LIMCH1: variants seen among roughly 807,000 people sequenced by gnomAD.
The protein encoded by LIMCH1 is LIM and calponin homology domains-containing protein 1.
In LIMCH1, 113 loss-of-function variants were observed where a neutral mutation model predicts 176.5. The observed-to-expected ratio is 0.64, with a 90% CI of 0.55 to 0.75. The LOEUF (loss-of-function observed/expected upper bound fraction) is 0.75. Ranked by LOEUF, LIMCH1 falls within the 30% of genes least tolerant of loss-of-function variation. LIMCH1 has a pLI of 0.00. For synonymous variants in LIMCH1, 619 were observed against 645.9 expected (o/e 0.96, Z 0.63); for missense variants, 1,674 against 1,814.9 (o/e 0.92, Z 1.41).
chr4:41,520,399 T>C (rs1321004404), intron 2 of LIMCH1, among the ~76,000 whole-genome samples: 4 of 152,282 alleles, frequency 2.6e-5, no homozygotes, highest in African/African-American at 7.2e-5. Flanking sequence ...CTTTGTATCA[T>C]TCAACTTTTT....
At chr4:41,437,835 A>C (rs4515195) in intron 1 of LIMCH1, among the ~76,000 whole-genome samples, 1 of 151,916 alleles carries the variant, frequency 6.6e-6, no homozygotes. Context: ...AGCAGTTCCC[A>C]AAAACTGTTC....
chr4:41,443,377 G>A (rs1245888397), intron 1 of LIMCH1, among the ~76,000 whole-genome samples: 1 of 151,932 alleles, frequency 6.6e-6, no homozygotes, highest in Non-Finnish European at 1.5e-5. Context: ...TTCCTGAATC[G>A]TTGTTGAATT....
At chr4:41,360,191 T>C (rs2051805366), upstream of LIMCH1, among the ~76,000 whole-genome samples, 1 of 145,780 alleles carries the variant, frequency 6.9e-6, no homozygotes, top group African/African-American at 2.5e-5. The surrounding 1 kb of genome is among the most constrained non-coding windows in gnomAD (Gnocchi z 4.5). Flanking sequence ...TCAGGGTCGT[T>C]TTTCTTTTTC....
At chr4:41,620,944 G>A (rs1360221587) in intron 7 of LIMCH1, among the ~76,000 whole-genome samples, 3 of 152,230 alleles carry the variant, frequency 2.0e-5, no homozygotes, top group Non-Finnish European at 2.9e-5. Context: ...TCTTTGTCAT[G>A]TATTTGTGAT....
At chr4:41,428,716 G>A (rs971304650) in intron 1 of LIMCH1, among the ~76,000 whole-genome samples, 3 of 152,224 alleles carry the variant, frequency 2.0e-5, no homozygotes, top group African/African-American at 7.2e-5. Context: ...GTGGAGTGCT[G>A]TGAGCAGAAG....
intron 1 of LIMCH1, among the ~76,000 whole-genome samples, chr4:41,382,725 A>T (rs148494522): frequency 6.6e-6 from 1 of 152,306 alleles, no homozygotes; most frequent in Non-Finnish European, 1.5e-5. Context: ...ATCAATACTC[A>T]GCTCAACACT....
At chr4:41,380,305 T>C (rs546239943) in intron 1 of LIMCH1, among the ~76,000 whole-genome samples, 1 of 152,272 alleles carries the variant, frequency 6.6e-6, no homozygotes, top group South Asian at 2.1e-4. Context: ...TGATATCTTC[T>C]TTTCTTTTCT....
At chr4:41,363,659 C>G (rs769010700) in intron 1 of LIMCH1, among the ~76,000 whole-genome samples, 1 of 152,072 alleles carries the variant, frequency 6.6e-6, no homozygotes, top group Non-Finnish European at 1.5e-5. Flanking sequence ...ATTTGAGGAC[C>G]GTGTTACTGG....
intron 1 of LIMCH1, among the ~76,000 whole-genome samples, chr4:41,476,667 A>G (rs138559776): frequency 1.3e-5 from 2 of 152,332 alleles, no homozygotes; most frequent in Non-Finnish European, 2.9e-5. Flanking sequence ...TTTTGTTCCA[A>G]AAATGCCTGA....
chr4:41,438,200 C>T (rs963152684), intron 1 of LIMCH1, among the ~76,000 whole-genome samples: 3 of 152,072 alleles, frequency 2.0e-5, no homozygotes, highest in Non-Finnish European at 4.4e-5. Flanking sequence ...GAGGAAGCTG[C>T]TCATTGAACA....
chr4:41,603,905 TGTAA>T lies in LIMCH1; in HGVS notation c.-103+3_-103+6del. ...TTGATTATAGTAGGAAGCTGAAAAATGTAAGTGTTTTAACTTCCAAACTTGTATC... is the reference window on the plus strand; with the variant it reads ...TTGATTATAGTAGGAAGCTGAAAAATGTGTTTTAACTTCCAAACTTGTATC... On this transcript the variant is annotated splice_donor_variant and splice_donor_region_variant and intron_variant, in intron 3 of 31. Coordinates refer to ENST00000503057, the MANE Select transcript of LIMCH1 (RefSeq NM_001330672.2). LOFTEE classifies it low-confidence loss of function (5UTR_SPLICE). The T allele has an allele frequency of 6.2e-7, 1 of 1,607,726 alleles. No homozygotes were observed. The highest frequency in any genetic ancestry group is 8.5e-7 in the Non-Finnish European group (1 of 1,174,942).
Position 41,646,605 on chromosome 4 carries a change from C to T in LIMCH1, c.2532C>T (p.Arg844=). ...CCATCAGTGAGGCTGTTCTCGAACG[C>T]TTGGAGATGCCAAAAATTCTGGAAA... The part of the protein sequence containing the change: ...RFTISEAVLE[R]LEMPKILERS... The change falls in exon 17 of 32, where the codon CGC becomes CGT. Residue 844 remains arginine (R), a synonymous_variant. Transcript: ENST00000503057. 7 of 1,614,178 alleles carry T rather than the reference C, an allele frequency of 4.3e-6. No homozygotes were observed. The highest frequency in any genetic ancestry group is 5.1e-6 in the Non-Finnish European group (6 of 1,180,034).
At chr4:41,689,196 A>C (rs1039258773) in intron 29 of LIMCH1, among the ~76,000 whole-genome samples, 1 of 152,168 alleles carries the variant, frequency 6.6e-6, no homozygotes, top group Non-Finnish European at 1.5e-5. Flanking sequence ...AGGACTTATA[A>C]AAAAAAGTAT....
chr4:41,380,422 C>T (rs56263548), intron 1 of LIMCH1, among the ~76,000 whole-genome samples: 11,033 of 152,032 alleles, frequency 0.073, 548 homozygotes, highest in Non-Finnish European at 0.11. Flanking sequence ...GCTGGGATTA[C>T]AAGCATGAGC....
At chr4:41,623,773 TATACAAAAGG>T (rs1331772481) in intron 7 of LIMCH1, among the ~76,000 whole-genome samples, 1 of 152,116 alleles carries the variant, frequency 6.6e-6, no homozygotes, top group Non-Finnish European at 1.5e-5. Context: ...TTTAAGGCAG[TATACAAAAGG>T]GAGCAAAGGT....
At chr4:41,612,470 A>G (rs2091547155) in intron 4 of LIMCH1, 1 of 695,952 alleles carries the variant, frequency 1.4e-6, no homozygotes, top group African/African-American at 1.8e-5. Context: ...TCCTAATTTT[A>G]AGCGACAGTC....
intron 1 of LIMCH1, among the ~76,000 whole-genome samples, chr4:41,366,749 T>C (rs1236233772): frequency 6.6e-6 from 1 of 152,220 alleles, no homozygotes; most frequent in Non-Finnish European, 1.5e-5. Context: ...GCCGTGGAAT[T>C]CAGTTCTGCT....
intron 1 of LIMCH1, among the ~76,000 whole-genome samples, chr4:41,469,936 T>A (rs2066707854): frequency 6.6e-6 from 1 of 152,166 alleles, no homozygotes; most frequent in African/African-American, 2.4e-5. Flanking sequence ...TGCCTCTGCC[T>A]CCCAAGGTGC....
upstream of LIMCH1, among the ~76,000 whole-genome samples, chr4:41,535,788 A>G (rs531263462): frequency 1.3e-5 from 2 of 151,878 alleles, no homozygotes; most frequent in African/African-American, 4.8e-5. Context: ...ACCACAAACT[A>G]TTTTTCCAAA....
Sources: allele counts gnomAD v4.1 joint callset (sites outside exome capture counted in the v4.1 genomes callset), GRCh38; gene constraint gnomAD v4.1.1; non-coding constraint Gnocchi (gnomAD v3.1); transcripts MANE v1.5; gene names NCBI Gene and HGNC (gene_info 2026-07-23, HGNC 2026-07-21).